KIF3B: variants seen among roughly 807,000 people sequenced by gnomAD.
KIF3B encodes the protein kinesin-like protein KIF3B.
A neutral mutation model predicts 74.3 loss-of-function variants in KIF3B; 38 were observed. That is an observed-to-expected ratio of 0.51 (90% CI 0.39 to 0.67). KIF3B has a LOEUF of 0.67. KIF3B is among the 30% of genes least tolerant of loss of function. KIF3B has a pLI of 0.00. For missense variants in KIF3B, 649 were observed against 932.0 expected (o/e 0.70, Z 3.95); for synonymous variants, 326 against 342.5 (o/e 0.95, Z 0.53).
chr20:32,306,360 C>T (rs879316289), intron 1 of KIF3B, among the ~76,000 whole-genome samples: 41 of 151,930 alleles, frequency 2.7e-4, no homozygotes, highest in Admixed American at 7.9e-4. Context: ...CACACCACTG[C>T]ACTCCAGCCT....
chr20:32,324,923 C>G lies in KIF3B; in HGVS notation c.1749-1848C>G, dbSNP rs568532281. On this transcript the variant is annotated intron_variant, in intron 5 of 8. Transcript: ENST00000375712. ...ACATGTGTCTATAGTCTCAGCTACT[C>G]CGGGGGCTGAGGCACGAGAATCGCT... is the stretch of plus-strand genomic sequence containing the variant. Among the ~76,000 whole-genome samples the G allele has an allele frequency of 2.0e-5, 3 of 152,162 alleles. No individual in the cohort carries two copies. The East Asian group carries it at 5.8e-4, about 30-fold the overall frequency.
chr20:32,305,417 C>T (rs1329459432), intron 1 of KIF3B, among the ~76,000 whole-genome samples: 2 of 151,934 alleles, frequency 1.3e-5, no homozygotes, highest in African/African-American at 2.4e-5. Context: ...TTGGGGTCCT[C>T]ATATATACCG....
chr20:32,279,457 T>C (rs1242577752), intron 1 of KIF3B, among the ~76,000 whole-genome samples: 1 of 151,212 alleles, frequency 6.6e-6, no homozygotes, highest in African/African-American at 2.4e-5. Context: ...TCTCAGAAAA[T>C]AGTTGGAATC....
rs2047923581 is a variant in KIF3B, at chr20:32,330,217, C to G, written c.2045C>G (p.Pro682Arg). Reference protein sequence around the residue: ...TRDYEGPAIAPKVQAALDAAL... With the variant: ...TRDYEGPAIARKVQAALDAAL... Reference sequence around the variant, plus strand: ...GACTATGAGGGTCCAGCCATTGCCCCCAAGGTCCAGGCTGCATTGGATGCG... The same window carrying G: ...GACTATGAGGGTCCAGCCATTGCCCGCAAGGTCCAGGCTGCATTGGATGCG... Residue 682 changes from proline to arginine, a missense_variant, in exon 8 of 9, where the codon CCC becomes CGC. Around this residue, in one of 4 missense-constraint regions of KIF3B, gnomAD observed 186 missense variants for 198.5 expected, o/e 0.94. Coordinates refer to ENST00000375712, the MANE Select transcript of KIF3B (RefSeq NM_004798.4). The G allele has an allele frequency of 6.2e-7, 1 of 1,614,042 alleles. No individual in the cohort carries two copies. The highest frequency in any genetic ancestry group is 8.5e-7 in the Non-Finnish European group (1 of 1,179,982).
intron 2 of KIF3B, among the ~76,000 whole-genome samples, chr20:32,314,804 A>G (rs2047819057): frequency 6.6e-6 from 1 of 152,116 alleles, no homozygotes; most frequent in African/African-American, 2.4e-5. Flanking sequence ...TATCTAGCCT[A>G]GCACTGTCTC....
At chr20:32,312,923 G>A (rs1362405629) in intron 2 of KIF3B, among the ~76,000 whole-genome samples, 2 of 152,150 alleles carry the variant, frequency 1.3e-5, no homozygotes, top group African/African-American at 4.8e-5. Context: ...ATCCTTACCA[G>A]CACTTGTGAT....
intron 1 of KIF3B, among the ~76,000 whole-genome samples, chr20:32,285,109 A>AC (rs1439568994): frequency 5.9e-5 from 9 of 151,994 alleles, no homozygotes; most frequent in Admixed American, 2.0e-4. Context: ...CAAAAAAAAA[A>AC]AAAAAAACAG....
In KIF3B at chr20:32,310,575, C is replaced by T. The variant is rs1247080422; in HGVS notation, c.798C>T (p.Thr266=). Residue 266 remains threonine, a synonymous_variant, in exon 2 of 9, where the codon ACC becomes ACT. Coordinates refer to ENST00000375712, the MANE Select transcript of KIF3B (RefSeq NM_004798.4). The surrounding 1 kb of genome is among the most constrained non-coding windows in gnomAD (Gnocchi z 6.5). ...GAQGERLKEA[T]KINLSLSALG... Reference sequence around the variant, plus strand: ...AAGGGGAGAGATTAAAAGAAGCTACCAAGATCAACCTCTCCCTTTCCGCTT... The same window carrying T: ...AAGGGGAGAGATTAAAAGAAGCTACTAAGATCAACCTCTCCCTTTCCGCTT... 6.2e-7 allele frequency: 1 copy of T among 1,614,102 alleles called. No homozygotes were observed. The highest frequency in any genetic ancestry group is 8.5e-7 in the Non-Finnish European group (1 of 1,180,008).
chr20:32,307,850 C>T (rs1047726087), intron 1 of KIF3B, among the ~76,000 whole-genome samples: 7 of 143,094 alleles, frequency 4.9e-5, no homozygotes, highest in African/African-American at 5.3e-5. Context: ...ACCCAGGAGG[C>T]GGAGCTTGCA....
intron 5 of KIF3B, among the ~76,000 whole-genome samples, chr20:32,325,607 T>A (rs2047898473): frequency 6.7e-6 from 1 of 150,174 alleles, no homozygotes; most frequent in Non-Finnish European, 1.5e-5. Context: ...CCCCAAAATA[T>A]TTTTTTTTCT....
rs1417149321 is a variant in KIF3B, at chr20:32,312,175, A to G, written c.1404+994A>G. 3.4e-5 allele frequency among the ~76,000 whole-genome samples: 5 copies of G among 148,650 alleles called. 1 individual carries two copies. In the Admixed American group the frequency reaches 3.4e-4, roughly 10 times the overall value. On this transcript the variant is annotated intron_variant, in intron 2 of 8. Transcript: ENST00000375712. ...TGTCAACCCTGGAGTGCAGTGGCCC[A>G]ATCACTGCAGCCTTGACCTCCTAGG...
intron 8 of KIF3B, 118 bp from the exon 9 acceptor site, chr20:32,331,105 T>C (rs2047927574): frequency 1.3e-6 from 1 of 770,016 alleles, no homozygotes; most frequent in Non-Finnish European, 2.2e-6. Context: ...GGTTTTACAG[T>C]TGAACTTGTC....
At chr20:32,316,708 T>TA in intron 4 of KIF3B, 48 bp from the exon 5 acceptor site, 1 of 1,613,194 alleles carries the variant, frequency 6.2e-7, no homozygotes, top group Non-Finnish European at 8.5e-7. Context: ...GGGAGAACTC[T>TA]ACCCTTTGGA....
At chr20:32,318,947 A>G (rs1475489565) in intron 5 of KIF3B, among the ~76,000 whole-genome samples, 2 of 149,306 alleles carry the variant, frequency 1.3e-5, no homozygotes, top group South Asian at 2.1e-4. Context: ...TCTACCACCA[A>G]TTTCTCCACA....
Position 32,314,003 on chromosome 20 carries a change from C to G in KIF3B, c.1405-2215C>G, listed in dbSNP as rs369002338. On this transcript the variant is annotated intron_variant, in intron 2 of 8. Coordinates refer to ENST00000375712, the MANE Select transcript of KIF3B (RefSeq NM_004798.4). ...GATTACAGGCGTGAGCCACCGCACCCTTATGTCCGGCCTGGGTATGCCCAT... is the reference window on the plus strand; with the variant it reads ...GATTACAGGCGTGAGCCACCGCACCGTTATGTCCGGCCTGGGTATGCCCAT... Among the ~76,000 whole-genome samples the G allele has an allele frequency of 5.3e-5, 8 of 152,274 alleles. No homozygotes were observed. The East Asian group carries it at 1.5e-3, about 29-fold the overall frequency.
At chr20:32,325,225 G>A (rs1416874232) in intron 5 of KIF3B, among the ~76,000 whole-genome samples, 1 of 152,038 alleles carries the variant, frequency 6.6e-6, no homozygotes, top group Non-Finnish European at 1.5e-5. Context: ...GTATTGCTCT[G>A]TCACCCGGAT....
At position 32,300,145 on chromosome 20, in the gene KIF3B, C is replaced by T. The variant is rs1338830902; in HGVS notation, c.-65-9568C>T. Among the ~76,000 whole-genome samples the T allele has an allele frequency of 2.6e-5, 4 of 151,754 alleles. 1 individual carries two copies. The highest frequency in any genetic ancestry group is 5.9e-5 in the Non-Finnish European group (4 of 67,980). ...ACAGATAGTGTCTCCCTCTGTCACCCAGGTTGGAGTGCAGTAGGGCTATTA... is the reference window on the plus strand; with the variant it reads ...ACAGATAGTGTCTCCCTCTGTCACCTAGGTTGGAGTGCAGTAGGGCTATTA... On this transcript the variant is annotated intron_variant, in intron 1 of 8. Coordinates refer to ENST00000375712, the MANE Select transcript of KIF3B (RefSeq NM_004798.4).
intron 1 of KIF3B, among the ~76,000 whole-genome samples, chr20:32,279,600 G>A (rs1449921284): frequency 3.9e-5 from 6 of 152,054 alleles, no homozygotes; most frequent in Admixed American, 3.9e-4. Context: ...CAAGTAGCTG[G>A]GATTACAGGC....
intron 1 of KIF3B, among the ~76,000 whole-genome samples, chr20:32,287,613 G>A (rs778477329): frequency 3.3e-5 from 5 of 152,140 alleles, no homozygotes; most frequent in Middle Eastern, 3.2e-3. Context: ...GAGCCACTAC[G>A]CCTTGCTGTG....
Sources: allele counts gnomAD v4.1 joint callset (sites outside exome capture counted in the v4.1 genomes callset), GRCh38; gene constraint gnomAD v4.1.1; regional missense constraint gnomAD v4.1.1; non-coding constraint Gnocchi (gnomAD v3.1); transcripts MANE v1.5; gene names NCBI Gene and HGNC (gene_info 2026-07-23, HGNC 2026-07-21).